Variants in BAZ2B observed in about 807,000 individuals in gnomAD.
BAZ2B encodes bromodomain adjacent to zinc finger domain 2B.
Under a neutral mutation model 246.0 loss-of-function variants are expected in BAZ2B, and 91 were observed. That is an observed-to-expected ratio of 0.37 (90% confidence interval 0.31 to 0.44). The LOEUF (loss-of-function observed/expected upper bound fraction) is 0.44. BAZ2B is among the 20% of genes least tolerant of loss of function. BAZ2B has a pLI of 1.00. For missense variants in BAZ2B, 2,332 were observed against 2,533.7 expected (o/e 0.92, Z 1.71); for synonymous variants, 855 against 860.0 (o/e 0.99, Z 0.10).
the BAZ2B span, among the ~76,000 whole-genome samples, chr2:159,644,095 T>C: frequency 6.6e-6 from 1 of 152,156 alleles, no homozygotes; most frequent in Non-Finnish European, 1.5e-5. Flanking sequence ...AGACCCCATC[T>C]CTAATAAAGG....
intron 2 of BAZ2B, among the ~76,000 whole-genome samples, chr2:159,530,221 G>T (rs186051837): frequency 6.6e-5 from 10 of 152,280 alleles, no homozygotes; most frequent in African/African-American, 2.2e-4. Flanking sequence ...GTGATGTACA[G>T]TGATTTCTTT....
intron 27 of BAZ2B, among the ~76,000 whole-genome samples, chr2:159,366,587 C>T (rs1437222961): frequency 1.3e-5 from 2 of 152,172 alleles, no homozygotes; most frequent in African/African-American, 2.4e-5. Context: ...TAGTCACCTA[C>T]GAAGCTGAGG....
At chr2:159,346,296 C>T (rs1262934121) in intron 31 of BAZ2B, among the ~76,000 whole-genome samples, 2 of 152,206 alleles carry the variant, frequency 1.3e-5, no homozygotes, top group Non-Finnish European at 2.9e-5. Context: ...AATTATGAAG[C>T]AAAATCTCAA....
In BAZ2B at chr2:159,395,838, T is replaced by G. The variant is rs1181537887; in HGVS notation, c.3010-4A>C. 1 of 1,602,814 alleles carries G rather than the reference T, an allele frequency of 6.2e-7. No individual in the cohort carries two copies. The highest frequency in any genetic ancestry group is 8.5e-7 in the Non-Finnish European group (1 of 1,175,384). On this transcript the variant is annotated splice_polypyrimidine_tract_variant and splice_region_variant and intron_variant, in intron 19 of 36. Coordinates refer to ENST00000392783, the MANE Select transcript of BAZ2B (RefSeq NM_013450.4). ...GTTGTCGCCTTCGCTCTCGTTCCTA[T>G]TAGGCCAGATAAAATGTGGAAAATA...
chr2:159,579,477 G>A (rs993848251), intron 1 of BAZ2B, among the ~76,000 whole-genome samples: 1 of 152,158 alleles, frequency 6.6e-6, no homozygotes, highest in Non-Finnish European at 1.5e-5. Context: ...TGGATTCACA[G>A]CCGAATTCTA....
chr2:159,638,419 T>G, the BAZ2B span, among the ~76,000 whole-genome samples: 1 of 152,064 alleles, frequency 6.6e-6, no homozygotes, highest in South Asian at 2.1e-4. Context: ...CAGGGAACAA[T>G]CCTGGAGAAA....
intron 4 of BAZ2B, among the ~76,000 whole-genome samples, 185 bp from the exon 5 acceptor site, chr2:159,448,594 T>C (rs2074589169): frequency 1.3e-5 from 2 of 152,352 alleles, no homozygotes; most frequent in South Asian, 4.1e-4. Context: ...ATCACTCTTC[T>C]CATTAGGTCA....
chr2:159,696,731 G>A, the BAZ2B span, among the ~76,000 whole-genome samples: 1 of 152,100 alleles, frequency 6.6e-6, no homozygotes, highest in Non-Finnish European at 1.5e-5. Context: ...ATTTGAAGTT[G>A]GAACATTCTC....
At chr2:159,676,951 G>GTT in the BAZ2B span, among the ~76,000 whole-genome samples, 59 of 24,406 alleles carry the variant, frequency 2.4e-3, 1 homozygote, top group African/African-American at 9.1e-3. Context: ...AAATAGTTTT[G>GTT]TTATATATAT....
downstream of BAZ2B, among the ~76,000 whole-genome samples, chr2:159,316,258 G>A (rs1460687353): frequency 1.3e-5 from 2 of 151,964 alleles, no homozygotes; most frequent in Non-Finnish European, 2.9e-5. Context: ...AATTATTTGA[G>A]GTTTAAAAAA....
At chr2:159,571,350 T>C (rs1250000505) in intron 1 of BAZ2B, among the ~76,000 whole-genome samples, 1 of 152,052 alleles carries the variant, frequency 6.6e-6, no homozygotes, top group African/African-American at 2.4e-5. Context: ...TGTAGATATA[T>C]TTTCTTCCCT....
intron 2 of BAZ2B, among the ~76,000 whole-genome samples, chr2:159,554,034 C>A (rs1443132530): frequency 3.9e-5 from 6 of 152,164 alleles, no homozygotes; most frequent in Non-Finnish European, 1.5e-5. Context: ...AAAGGGCCAG[C>A]AAAAGCCTCA....
At chr2:159,594,336 G>A (rs1345895101) in intron 1 of BAZ2B, among the ~76,000 whole-genome samples, 1 of 152,226 alleles carries the variant, frequency 6.6e-6, no homozygotes, top group Non-Finnish European at 1.5e-5. Flanking sequence ...GAACCCGGGA[G>A]GCGGAGCTTG....
the BAZ2B span, among the ~76,000 whole-genome samples, chr2:159,691,729 G>A: frequency 6.6e-6 from 1 of 152,150 alleles, no homozygotes; most frequent in Admixed American, 6.5e-5. Flanking sequence ...AAGGTTTACG[G>A]TATTACACTA....
chr2:159,320,207 AT>A lies in BAZ2B; in HGVS notation c.*57del. The A allele has an allele frequency of 7.1e-7, 1 of 1,399,386 alleles. No individual in the cohort carries two copies. Among genetic ancestry groups the A allele is most frequent in the Non-Finnish European group, 9.4e-7 (1 of 1,062,260 alleles). 86.7% of individuals were successfully genotyped at this position (1,399,386 alleles called of 1,614,324 possible). On this transcript the variant is annotated 3_prime_UTR_variant, in exon 37 of 37. Transcript: ENST00000392783. ...GCACGTTTATGTAAATACAGTTCAC[AT>A]TGCTGGTCTCATTTGTCCTTGTTTA...
chr2:159,362,212 T>G (rs1335507134), intron 27 of BAZ2B, among the ~76,000 whole-genome samples: 2 of 152,098 alleles, frequency 1.3e-5, no homozygotes, highest in Non-Finnish European at 2.9e-5. Flanking sequence ...GGGGCTTTCT[T>G]CTTTCCCACT....
the BAZ2B span, among the ~76,000 whole-genome samples, chr2:159,625,507 A>G: frequency 6.6e-6 from 1 of 152,192 alleles, no homozygotes; most frequent in African/African-American, 2.4e-5. Context: ...GCCAGAAGAG[A>G]GTGGGGGCCA....
intron 1 of BAZ2B, among the ~76,000 whole-genome samples, chr2:159,559,692 T>C (rs1382018694): frequency 6.6e-6 from 1 of 152,084 alleles, no homozygotes; most frequent in Non-Finnish European, 1.5e-5. Flanking sequence ...AAAAAATATG[T>C]GAAATTAAAA....
intron 25 of BAZ2B, among the ~76,000 whole-genome samples, chr2:159,376,773 T>C (rs140741863): frequency 6.6e-6 from 1 of 152,236 alleles, no homozygotes; most frequent in Non-Finnish European, 1.5e-5. Context: ...ACTCTTCCTA[T>C]GATGCAAAAA....
Sources: gnomAD v4.1 joint callset for allele counts (sites outside exome capture counted in the v4.1 genomes callset) on GRCh38, gnomAD v4.1.1 for gene constraint, MANE v1.5 for transcripts, NCBI Gene and HGNC (gene_info 2026-07-23, HGNC 2026-07-21) for gene names.